Variants in CECR2 observed in about 807,000 individuals in gnomAD.
CECR2 encodes the protein CECR2 histone acetyl-lysine reader.
In CECR2, 30 loss-of-function variants were observed where a neutral mutation model predicts 154.5. The observed-to-expected ratio is 0.19, with a 90% CI of 0.15 to 0.26. The LOEUF (loss-of-function observed/expected upper bound fraction) is 0.26. Ranked by LOEUF, CECR2 falls within the 10% of genes least tolerant of loss-of-function variation. The pLI is 1.00. For synonymous variants in CECR2, 725 were observed against 683.7 expected (o/e 1.06, Z -0.94); for missense variants, 1,743 against 1,829.3 (o/e 0.95, Z 0.86).
intron 1 of CECR2, among the ~76,000 whole-genome samples, chr22:17,383,724 G>T (rs1419055636): frequency 7.0e-6 from 1 of 142,962 alleles, no homozygotes; most frequent in Non-Finnish European, 1.5e-5. Flanking sequence ...CGCAGTGGCA[G>T]TACGCTCTCA....
At chr22:17,431,141 T>TA (rs940488320) in intron 1 of CECR2, among the ~76,000 whole-genome samples, 2 of 152,196 alleles carry the variant, frequency 1.3e-5, no homozygotes, top group African/African-American at 4.8e-5. Context: ...AAAGCTGGGG[T>TA]AAAAAAGAAA....
intron 3 of CECR2, among the ~76,000 whole-genome samples, chr22:17,497,813 C>G (rs566680465): frequency 6.6e-6 from 1 of 152,330 alleles, no homozygotes; most frequent in African/African-American, 2.4e-5. Flanking sequence ...AATTTCTAGT[C>G]TGGTTTCATC....
intron 1 of CECR2, among the ~76,000 whole-genome samples, chr22:17,364,069 C>A (rs553831600): frequency 1.3e-5 from 2 of 151,958 alleles, no homozygotes; most frequent in African/African-American, 4.8e-5. Context: ...TACTCCCGGG[C>A]GCGGTGGCTC....
intron 1 of CECR2, among the ~76,000 whole-genome samples, chr22:17,436,987 G>A (rs2054515793): frequency 1.3e-5 from 2 of 152,208 alleles, no homozygotes; most frequent in Non-Finnish European, 2.9e-5. Context: ...CCTTGAGGCT[G>A]GAGAATGGGT....
intron 7 of CECR2, among the ~76,000 whole-genome samples, chr22:17,509,351 C>T (rs2055900354): frequency 6.6e-6 from 1 of 151,894 alleles, no homozygotes; most frequent in Admixed American, 6.6e-5. Flanking sequence ...TTCAAACCTG[C>T]TTAAATTATG....
intron 1 of CECR2, among the ~76,000 whole-genome samples, chr22:17,395,331 A>G (rs1326678949): frequency 2.6e-5 from 4 of 151,712 alleles, no homozygotes; most frequent in African/African-American, 7.3e-5. Flanking sequence ...CCCGGCTCGA[A>G]TAGAATCTTA....
At position 17,404,094 on chromosome 22, in the gene CECR2, C is replaced by T. The variant is rs9618005; in HGVS notation, c.126+34185C>T. ...CCAATGTGGTGAAACCCCGTCTCTG[C>T]TAAAAATAACAAAAATTAGCCGGGC... On this transcript the variant is annotated intron_variant, in intron 1 of 18. Transcript: ENST00000262608. 1.9e-3 allele frequency among the ~76,000 whole-genome samples: 287 copies of T among 151,680 alleles called. 1 individual carries two copies. The highest frequency in any genetic ancestry group is 6.6e-3 in the African/African-American group (274 of 41,422).
At chr22:17,446,615 G>GC (rs1396240067) in intron 1 of CECR2, among the ~76,000 whole-genome samples, 1 of 130,538 alleles carries the variant, frequency 7.7e-6, no homozygotes, top group Non-Finnish European at 1.5e-5. Context: ...TACTCAGGAG[G>GC]TTAGGAAGGA....
chr22:17,401,403 C>T (rs994761445), intron 1 of CECR2, among the ~76,000 whole-genome samples: 14 of 152,186 alleles, frequency 9.2e-5, no homozygotes, highest in Admixed American at 1.3e-4. Context: ...CACGTCAAGA[C>T]GAACATGTCC....
intron 1 of CECR2, among the ~76,000 whole-genome samples, chr22:17,436,389 G>A (rs966114780): frequency 1.1e-4 from 16 of 152,200 alleles, no homozygotes; most frequent in African/African-American, 3.9e-4. Context: ...AACAACATTA[G>A]CTGTCTCTAG....
chr22:17,390,532 T>C (rs2063315179), intron 1 of CECR2, among the ~76,000 whole-genome samples: 1 of 152,258 alleles, frequency 6.6e-6, no homozygotes, highest in Non-Finnish European at 1.5e-5. Flanking sequence ...ATTGCCTGAA[T>C]CAGTGATTAC....
chr22:17,507,007 A>T (rs2055859735), intron 7 of CECR2, among the ~76,000 whole-genome samples: 1 of 152,164 alleles, frequency 6.6e-6, no homozygotes, highest in Non-Finnish European at 1.5e-5. Flanking sequence ...TGCTTATTTC[A>T]TATCGATAAT....
chr22:17,498,593 G>A (rs1345846141), intron 3 of CECR2, among the ~76,000 whole-genome samples: 1 of 152,164 alleles, frequency 6.6e-6, no homozygotes, highest in Non-Finnish European at 1.5e-5. Flanking sequence ...GACTTCAGTA[G>A]CAGTGAGAAG....
chr22:17,505,048 G>C (rs367776233), intron 7 of CECR2, 32 bp downstream of exon 7: 183 of 1,599,762 alleles, frequency 1.1e-4, no homozygotes, highest in Non-Finnish European at 1.5e-4. Flanking sequence ...GTCCTCCTCA[G>C]TGTTAGGCCT....
In CECR2 at chr22:17,540,680, C is replaced by G. The variant is rs770431570; in HGVS notation, c.1764C>G (p.Asp588Glu). ...CACGCCGAGCGCCCTCTTCTGGGGA[C>G]GATCAGAGCAGCAGCTCCACACAGC... Reference protein sequence around the residue: ...PPTRRAPSSGDDQSSSSTQPP... With the variant: ...PPTRRAPSSGEDQSSSSTQPP... Residue 588 changes from aspartate to glutamate, a missense_variant, in exon 14 of 19, where the codon GAC becomes GAG. This residue lies in a region of CECR2 where 1,250 missense variants were observed against 1,192.1 expected (regional missense o/e 1.05). Transcript: ENST00000262608. 1 of 1,613,926 alleles carries G rather than the reference C, an allele frequency of 6.2e-7. No homozygotes were observed. Among genetic ancestry groups the G allele is most frequent in the Non-Finnish European group, 8.5e-7 (1 of 1,179,876 alleles).
At chr22:17,380,543 T>C (rs2063175256) in intron 1 of CECR2, among the ~76,000 whole-genome samples, 1 of 151,994 alleles carries the variant, frequency 6.6e-6, no homozygotes, top group Non-Finnish European at 1.5e-5. Context: ...TTTGCTGGAG[T>C]GACGTGTGAC....
At chr22:17,551,235 A>G (rs1032045035) in intron 17 of CECR2, among the ~76,000 whole-genome samples, 1 of 151,970 alleles carries the variant, frequency 6.6e-6, no homozygotes, top group Non-Finnish European at 1.5e-5. Context: ...CGATTACCAC[A>G]CTCAAGGCAA....
chr22:17,537,346 ATG>A, intron 10 of CECR2, 114 bp downstream of exon 10: 1 of 1,266,152 alleles, frequency 7.9e-7, no homozygotes, highest in Non-Finnish European at 1.1e-6. Flanking sequence ...CATGGTCACC[ATG>A]TGTGAGTGAA....
intron 2 of CECR2, among the ~76,000 whole-genome samples, chr22:17,482,761 CT>C (rs34165377): frequency 0.44 from 54,966 of 124,780 alleles, 10,991 homozygotes; most frequent in South Asian, 0.51. Flanking sequence ...TTTTGAACTC[CT>C]TTTTTTTTTT....
Sources: gnomAD v4.1 joint callset for allele counts (sites outside exome capture counted in the v4.1 genomes callset) on GRCh38, gnomAD v4.1.1 for gene constraint, gnomAD v4.1.1 regional missense constraint, MANE v1.5 for transcripts, NCBI Gene and HGNC (gene_info 2026-07-23, HGNC 2026-07-21) for gene names.